Variants in RASSF6 observed in about 807,000 individuals in gnomAD.
RASSF6 encodes Ras association domain family member 6.
Under a neutral mutation model 44.0 loss-of-function variants are expected in RASSF6, and 52 were observed. The ratio of observed to expected loss-of-function variants is 1.18; its 90% CI spans 0.95 to 1.49. RASSF6 has a LOEUF of 1.49. Among genes scored for constraint, RASSF6 ranks in the 40% most tolerant of loss-of-function variants. RASSF6 has a pLI of 0.00. For missense variants in RASSF6, 464 were observed against 393.3 expected, an observed-to-expected ratio of 1.18 and a Z score of -1.52; for synonymous variants, 162 against 124.6, an observed-to-expected ratio of 1.30 and a Z score of -2.00.
intron 8 of RASSF6, among the ~76,000 whole-genome samples, chr4:73,577,525 C>T (rs570286440): frequency 4.6e-5 from 7 of 152,284 alleles, no homozygotes; most frequent in African/African-American, 1.7e-4. Flanking sequence ...TGTTCTCATT[C>T]CCTGAGCTGG....
At chr4:73,614,206 C>G (rs938454407) in intron 1 of RASSF6, among the ~76,000 whole-genome samples, 5 of 152,228 alleles carry the variant, frequency 3.3e-5, no homozygotes, top group Non-Finnish European at 5.9e-5. Flanking sequence ...ATTTCCACTG[C>G]TACTACCCTA....
intron 2 of RASSF6, 30 bp downstream of exon 2, chr4:73,611,701 G>A (rs779065999): frequency 1.7e-5 from 24 of 1,409,378 alleles, no homozygotes; most frequent in Non-Finnish European, 2.4e-5. Flanking sequence ...TGGTGAGTAG[G>A]ACAATGTATA....
intron 1 of RASSF6, among the ~76,000 whole-genome samples, chr4:73,617,591 C>G (rs1426156698): frequency 1.3e-5 from 2 of 152,184 alleles, no homozygotes; most frequent in Non-Finnish European, 2.9e-5. Flanking sequence ...GACACTCTCT[C>G]CTCTTAAGCT....
chr4:73,603,920 G>A (rs1725448229), intron 2 of RASSF6, among the ~76,000 whole-genome samples: 1 of 151,946 alleles, frequency 6.6e-6, no homozygotes, highest in South Asian at 2.1e-4. Flanking sequence ...TCCCTAAAAG[G>A]CAAAGAACCC....
intron 2 of RASSF6, among the ~76,000 whole-genome samples, chr4:73,602,993 C>T (rs1408598341): frequency 6.6e-6 from 1 of 152,048 alleles, no homozygotes; most frequent in Non-Finnish European, 1.5e-5. Flanking sequence ...GAGGCTGAGG[C>T]AGGAGAATGG....
intron 1 of RASSF6, among the ~76,000 whole-genome samples, chr4:73,612,122 G>A (rs1528921): frequency 6.6e-6 from 1 of 152,170 alleles, no homozygotes; most frequent in Non-Finnish European, 1.5e-5. Flanking sequence ...GTATAAGGGA[G>A]CATATTCCTT....
At chr4:73,581,773 T>G (rs896736105) in intron 8 of RASSF6, 44 bp downstream of exon 8, 5 of 1,359,560 alleles carry the variant, frequency 3.7e-6, no homozygotes, top group Admixed American at 1.7e-5. Flanking sequence ...CAGCAAACTG[T>G]AGCACTCTAG....
chr4:73,617,860 CA>C (rs1162542641), intron 1 of RASSF6, among the ~76,000 whole-genome samples: 1 of 152,128 alleles, frequency 6.6e-6, no homozygotes, highest in Non-Finnish European at 1.5e-5. Context: ...GTTTTGTTTT[CA>C]AATGGCCTAT....
rs1051941300 is a variant in RASSF6 at position 73,572,410 on chromosome 4, C to A, written c.*3825G>T. Reference sequence around the variant, plus strand: ...AAAAGAGTACATTTTTAAATGTTCTCACCACAAAGAAATTATAAGAGGTTA... The same window carrying A: ...AAAAGAGTACATTTTTAAATGTTCTAACCACAAAGAAATTATAAGAGGTTA... On this transcript the variant is annotated 3_prime_UTR_variant, in exon 11 of 11. Coordinates refer to ENST00000307439, the MANE Select transcript of RASSF6 (RefSeq NM_177532.5). 7 of 152,102 alleles carry A rather than the reference C, an allele frequency of 4.6e-5. No homozygotes were observed. The highest frequency in any genetic ancestry group is 1.7e-4 in the African/African-American group (7 of 41,418). 9.4% of individuals were successfully genotyped at this position (152,102 alleles called of 1,614,324 possible).
intron 4 of RASSF6, among the ~76,000 whole-genome samples, chr4:73,588,305 CT>C (rs766807587): frequency 1.3e-5 from 2 of 151,934 alleles, no homozygotes; most frequent in African/African-American, 2.4e-5. Context: ...TAAAAGTGTT[CT>C]TTATACATTC....
At chr4:73,605,106 T>C (rs2149391056) in intron 2 of RASSF6, among the ~76,000 whole-genome samples, 1 of 152,054 alleles carries the variant, frequency 6.6e-6, no homozygotes, top group East Asian at 1.9e-4. Flanking sequence ...GCCAGGCTGG[T>C]CTCAAACTCC....
At position 73,593,586 on chromosome 4, in the gene RASSF6, T is replaced by C. The variant is rs1018840947; in HGVS notation, c.152A>G (p.Asp51Gly). 1 of 1,613,302 alleles carries C rather than the reference T, an allele frequency of 6.2e-7. No homozygotes were observed. Among genetic ancestry groups the C allele is most frequent in the African/African-American group, 1.3e-5 (1 of 74,930 alleles). The stretch of plus-strand genomic sequence containing the variant: ...CATTCCTTCAACAATTAGTTTGCCA[T>C]CTTCAGTCTAAGGAAGAAATGAATA... The part of the protein sequence containing the change: ...NLHILYGETE[D>G]GKLIVEGMLD... The change falls in exon 4 of 11, where the codon GAT becomes GGT. Residue 51 changes from aspartate (D) to glycine (G), a missense_variant. Asp to Gly is a moderately conservative substitution (Grantham distance 94, BLOSUM62 -1). Coordinates refer to ENST00000307439, the MANE Select transcript of RASSF6 (RefSeq NM_177532.5).
chr4:73,590,682 C>A (rs1724477142), intron 4 of RASSF6, among the ~76,000 whole-genome samples: 1 of 152,150 alleles, frequency 6.6e-6, no homozygotes, highest in Non-Finnish European at 1.5e-5. Context: ...AGCTGGCTCC[C>A]AGGAAGTACT....
intron 1 of RASSF6, chr4:73,616,020 C>T (rs917026858): frequency 8.7e-6 from 11 of 1,265,834 alleles, no homozygotes; most frequent in Non-Finnish European, 1.2e-5. Flanking sequence ...GGTTACATAT[C>T]TAAAAGTGGA....
At chr4:73,606,802 C>T (rs531327351) in intron 2 of RASSF6, among the ~76,000 whole-genome samples, 3 of 152,258 alleles carry the variant, frequency 2.0e-5, no homozygotes, top group South Asian at 4.1e-4. Flanking sequence ...TGACTTCACA[C>T]TCTGATGCCC....
chr4:73,590,901 A>T (rs1368309654), intron 4 of RASSF6, among the ~76,000 whole-genome samples: 2 of 152,222 alleles, frequency 1.3e-5, no homozygotes, highest in Non-Finnish European at 2.9e-5. Flanking sequence ...GCAATGTACT[A>T]ATAAACAATG....
At position 73,574,615 on chromosome 4, in the gene RASSF6, T is replaced by C. The variant is rs1723099321; in HGVS notation, c.*1620A>G. 6.6e-6 allele frequency: 1 copy of C among 152,218 alleles called. No individual in the cohort carries two copies. Among genetic ancestry groups the C allele is most frequent in the African/African-American group, 2.4e-5 (1 of 41,454 alleles). 9.4% of individuals were successfully genotyped at this position (152,218 alleles called of 1,614,324 possible). The stretch of plus-strand genomic sequence containing the variant: ...TCTCCTATCATAGCTTAATTATTAT[T>C]TATATTAAACTTTCCCTGTTTAAAT... On this transcript the variant is annotated 3_prime_UTR_variant, in exon 11 of 11. Transcript: ENST00000307439.
rs545363544 is a variant in RASSF6, at chr4:73,576,160, A to G, written c.*75T>C. 23 of 769,848 alleles carry G rather than the reference A, an allele frequency of 3.0e-5. No individual in the cohort carries two copies. In the African/African-American group the frequency reaches 3.8e-4, roughly 13 times the overall value. 47.7% of individuals were successfully genotyped at this position (769,848 alleles called of 1,614,324 possible). A position where few individuals can be genotyped will look rare whatever the true frequency, so the allele number is the denominator to read the frequency against. On this transcript the variant is annotated 3_prime_UTR_variant, in exon 11 of 11. Transcript: ENST00000307439. ...CATATATGTTCGTATAAATGCAAGT[A>G]CAGAACTTATGCATTCATCAAAGAG...
At chr4:73,580,859 C>T (rs1378387653) in intron 8 of RASSF6, among the ~76,000 whole-genome samples, 1 of 98,870 alleles carries the variant, frequency 1.0e-5, no homozygotes, top group Non-Finnish European at 2.4e-5. Flanking sequence ...TTTTGCTGTG[C>T]AGAAGCTCTT....
Sources: gnomAD v4.1 joint callset for allele counts (sites outside exome capture counted in the v4.1 genomes callset) on GRCh38, gnomAD v4.1.1 for gene constraint, MANE v1.5 for transcripts, NCBI Gene and HGNC (gene_info 2026-07-23, HGNC 2026-07-21) for gene names.